The following ANO7 variants were observed in gnomAD, a reference collection of about 807,000 sequenced individuals.
ANO7 encodes the protein anoctamin 7.
Under a neutral mutation model 115.8 loss-of-function variants are expected in ANO7, and 114 were observed. That is an observed-to-expected ratio of 0.98 (90% confidence interval 0.85 to 1.15). The LOEUF (loss-of-function observed/expected upper bound fraction) is 1.15. Among genes scored for constraint, ANO7 ranks in the 50% most tolerant of loss-of-function variants. The pLI is 0.00. For missense variants in ANO7, 1,302 were observed against 1,201.2 expected (o/e 1.08, Z -1.24); for synonymous variants, 550 against 498.2 (o/e 1.10, Z -1.38).
At chr2:241,215,287 AAGG>A (rs1459491998) in intron 18 of ANO7, among the ~76,000 whole-genome samples, 7 of 152,190 alleles carry the variant, frequency 4.6e-5, no homozygotes, top group African/African-American at 1.7e-4. Flanking sequence ...GGAGGAGGAA[AAGG>A]AGGTCCCAGG....
intron 21 of ANO7, among the ~76,000 whole-genome samples, chr2:241,222,343 A>G (rs2069043253): frequency 6.6e-6 from 1 of 152,030 alleles, no homozygotes; most frequent in Non-Finnish European, 1.5e-5. Context: ...AGTTCTGGAA[A>G]TGTCTCCATC....
In ANO7 at chr2:241,195,984, G is replaced by C. The variant is rs2068318995; in HGVS notation, c.309+139G>C. 30 of 1,548,578 alleles carry C rather than the reference G, an allele frequency of 1.9e-5. 1 individual carries two copies. The South Asian group carries it at 3.6e-4, about 18-fold the overall frequency. The stretch of plus-strand genomic sequence containing the variant: ...CCCCAAAGTCCTGCTGGACCCCCCA[G>C]CCACCGTGAGCTCCTCCGTGTGGCT... On this transcript the variant is annotated intron_variant, in intron 4 of 24. Coordinates refer to ENST00000674324, the MANE Select transcript of ANO7 (RefSeq NM_001370694.2).
Position 241,212,260 on chromosome 2 carries a change from T to C in ANO7, c.1673+55T>C, listed in dbSNP as rs12473431. The stretch of plus-strand genomic sequence containing the variant: ...GCTTGTCCCGGCTTAGTTCTGCTCA[T>C]GTTTCCCGCTGCCTGGGTACCAGGC... On this transcript the variant is annotated intron_variant, in intron 16 of 24. Transcript: ENST00000674324. 41,877 of 1,482,496 alleles carry C rather than the reference T, an allele frequency of 0.028. 4,859 individuals carry two copies. The Admixed American group carries it at 0.31, about 11-fold the overall frequency. 91.8% of individuals were successfully genotyped at this position (1,482,496 alleles called of 1,614,324 possible).
chr2:241,239,917 G>A, the ANO7 span: 1 of 1,613,986 alleles, frequency 6.2e-7, no homozygotes, highest in Non-Finnish European at 8.5e-7. This position sits in a 1 kb window ranked among gnomAD's most constrained non-coding sequence, Gnocchi z 4.6. Flanking sequence ...TTGGATCAAG[G>A]CCTCCAGCTC....
intron 4 of ANO7, among the ~76,000 whole-genome samples, chr2:241,197,946 C>T (rs540338521): frequency 6.6e-6 from 1 of 152,158 alleles, no homozygotes; most frequent in Non-Finnish European, 1.5e-5. Context: ...CCACCACGCC[C>T]GGCCTCACCT....
Position 241,209,438 on chromosome 2 carries a change from C to A in ANO7, c.1221+10C>A. 1 of 1,596,884 alleles carries A rather than the reference C, an allele frequency of 6.3e-7. No homozygotes were observed. The highest frequency in any genetic ancestry group is 8.5e-7 in the Non-Finnish European group (1 of 1,173,284). On this transcript the variant is annotated intron_variant, in intron 12 of 24. Coordinates refer to ENST00000674324, the MANE Select transcript of ANO7 (RefSeq NM_001370694.2). Reference sequence around the variant, plus strand: ...CTACGAGGACACTGAGGTGAGCCACCCCCGCTGGACCACGGTCACACCCGG... The same window carrying A: ...CTACGAGGACACTGAGGTGAGCCACACCCGCTGGACCACGGTCACACCCGG...
chr2:241,230,453 G>A (rs545541554), downstream of ANO7, among the ~76,000 whole-genome samples: 2 of 152,268 alleles, frequency 1.3e-5, no homozygotes, highest in Non-Finnish European at 2.9e-5. The surrounding 1 kb of genome is among the most constrained non-coding windows in gnomAD (Gnocchi z 5.0). Context: ...GGAGCACCTT[G>A]TTCCCAGCAG....
At chr2:241,230,013 T>C (rs915911832), downstream of ANO7, 2 of 1,566,440 alleles carry the variant, frequency 1.3e-6, no homozygotes, top group East Asian at 4.5e-5. The surrounding 1 kb of genome is among the most constrained non-coding windows in gnomAD (Gnocchi z 5.0). Context: ...ACCCCCAGCA[T>C]CCCGCCCGCC....
intron 11 of ANO7, among the ~76,000 whole-genome samples, 181 bp from the exon 12 acceptor site, chr2:241,209,104 G>C (rs372912766): frequency 1.9e-4 from 29 of 152,284 alleles, no homozygotes; most frequent in South Asian, 1.7e-3. Flanking sequence ...AGCCGAGATC[G>C]CGCCACTGCA....
Position 241,203,192 on chromosome 2 carries a change from T to A in ANO7, c.724-141T>A. ...ACCACCCTGTACCCACCCCTCCACA[T>A]TACTCTATTTTTTCTTCATGGAGCA... On this transcript the variant is annotated intron_variant, in intron 8 of 24. Transcript: ENST00000674324. This position sits in a 1 kb window ranked among gnomAD's most constrained non-coding sequence, Gnocchi z 4.8. The A allele has an allele frequency of 1.2e-4, 52 of 436,896 alleles. No homozygotes were observed. The highest frequency in any genetic ancestry group is 2.2e-4 in the East Asian group (4 of 18,072). The allele number at this position is 436,896 out of a possible 1,614,324, so 27.1% of individuals were successfully genotyped here.
At position 241,203,359 on chromosome 2, in the gene ANO7, C is replaced by A; in HGVS notation, c.750C>A (p.Gly250=). 2 of 1,579,682 alleles carry A rather than the reference C, an allele frequency of 1.3e-6. No individual in the cohort carries two copies. The highest frequency in any genetic ancestry group is 1.8e-5 in the Admixed American group (1 of 54,672). The change falls in exon 9 of 25, where the codon GGC becomes GGA. Residue 250 remains glycine, a synonymous_variant. Transcript: ENST00000674324. The surrounding 1 kb of genome is among the most constrained non-coding windows in gnomAD (Gnocchi z 4.8). ...GCCCCTTCAAGACGCCCCCAGAGGG[C>A]CCGCAGGCTCCACGCCTCAACCAGC... ...HDGPFKTPPE[G]PQAPRLNQRQ...
intron 4 of ANO7, among the ~76,000 whole-genome samples, chr2:241,198,503 G>A (rs376233173): frequency 3.1e-4 from 47 of 152,328 alleles, no homozygotes; most frequent in East Asian, 1.7e-3. Flanking sequence ...TGCAGGGGAC[G>A]CCGGTGGCCC....
At chr2:241,229,789 C>G, downstream of ANO7, 1 of 1,484,590 alleles carries the variant, frequency 6.7e-7, no homozygotes, top group Non-Finnish European at 9.2e-7. Context: ...CGCCTGCCCG[C>G]CCACCCTCCC....
chr2:241,234,630 C>A, the ANO7 span, among the ~76,000 whole-genome samples: 401 of 152,366 alleles, frequency 2.6e-3, no homozygotes, highest in African/African-American at 9.3e-3. Context: ...CAAATGTCAG[C>A]CCTGCCAGAG....
At chr2:241,204,804 C>G in intron 9 of ANO7, 61 bp from the exon 10 acceptor site, 1 of 1,375,020 alleles carries the variant, frequency 7.3e-7, no homozygotes, top group Non-Finnish European at 1.0e-6. Flanking sequence ...CTGTGCAGAC[C>G]CCTACCTGGG....
At chr2:241,231,648 G>A in the ANO7 span, among the ~76,000 whole-genome samples, 1 of 152,092 alleles carries the variant, frequency 6.6e-6, no homozygotes, top group Non-Finnish European at 1.5e-5. Flanking sequence ...GAGGCTGGAG[G>A]CTGGCTGGCA....
Position 241,214,800 on chromosome 2 carries a change from C to T in ANO7, c.1729-5C>T, listed in dbSNP as rs184987150. Reference sequence around the variant, plus strand: ...TCCCAGCTAACCTGAGCCCTGCTGCCGTAGTGCGCGGCTGGAGGCTGCCTG... The same window carrying T: ...TCCCAGCTAACCTGAGCCCTGCTGCTGTAGTGCGCGGCTGGAGGCTGCCTG... On this transcript the variant is annotated splice_polypyrimidine_tract_variant and splice_region_variant and intron_variant, in intron 17 of 24. Coordinates refer to ENST00000674324, the MANE Select transcript of ANO7 (RefSeq NM_001370694.2). 1.2e-4 allele frequency: 188 copies of T among 1,610,536 alleles called. No individual in the cohort carries two copies. Among genetic ancestry groups the T allele is most frequent in the Admixed American group, 4.2e-4 (25 of 59,970 alleles).
chr2:241,203,477 GC>G lies in ANO7; in HGVS notation c.871del (p.Leu291SerfsTer130). The G allele has an allele frequency of 6.5e-7, 1 of 1,545,518 alleles. No homozygotes were observed. The highest frequency in any genetic ancestry group is 8.7e-7 in the Non-Finnish European group (1 of 1,146,590). ...HVRRYFGEKV[A>X]LYFAWLGFYT... ...GCGCAGGTACTTCGGGGAGAAGGTGGCCCTCTACTTCGCCTGGCTCGGTGAG... is the reference window on the plus strand; with the variant it reads ...GCGCAGGTACTTCGGGGAGAAGGTGGCCTCTACTTCGCCTGGCTCGGTGAG... On this transcript the variant is annotated frameshift_variant, in exon 9 of 25. Coordinates refer to ENST00000674324, the MANE Select transcript of ANO7 (RefSeq NM_001370694.2). LOFTEE classifies it high-confidence loss of function. The surrounding 1 kb of genome is among the most constrained non-coding windows in gnomAD (Gnocchi z 4.8).
downstream of ANO7, chr2:241,229,441 C>T (rs1035727022): frequency 4.9e-5 from 29 of 597,444 alleles, no homozygotes; most frequent in African/African-American, 1.9e-4. Flanking sequence ...GAGGAGCGGC[C>T]GCACACACAG....
Sources: allele counts gnomAD v4.1 joint callset (sites outside exome capture counted in the v4.1 genomes callset), GRCh38; gene constraint gnomAD v4.1.1; non-coding constraint Gnocchi (gnomAD v3.1); transcripts MANE v1.5; gene names NCBI Gene and HGNC (gene_info 2026-07-23, HGNC 2026-07-21).